The following COL21A1 variants were observed in gnomAD, a reference collection of about 807,000 sequenced individuals.
COL21A1 encodes the protein collagen alpha-1(XXI) chain.
In COL21A1, 149 loss-of-function variants were observed where a neutral mutation model predicts 137.9. The observed-to-expected ratio is 1.08, with a 90% CI of 0.95 to 1.24. The LOEUF (loss-of-function observed/expected upper bound fraction) is 1.24. Ranked by LOEUF, COL21A1 falls within the 50% of genes most tolerant of loss-of-function variation. The probability of loss-of-function intolerance (pLI) is 0.00; values close to 1 mark genes in which losing one functional copy is unlikely to be tolerated. For missense variants in COL21A1, 1,167 were observed against 1,158.4 expected (o/e 1.01, Z -0.11); for synonymous variants, 456 against 391.5 (o/e 1.16, Z -1.95).
At chr6:56,268,215 C>A (rs1415831674) in intron 1 of COL21A1, among the ~76,000 whole-genome samples, 1 of 152,214 alleles carries the variant, frequency 6.6e-6, no homozygotes, top group Non-Finnish European at 1.5e-5. Flanking sequence ...GCAGGGCATG[C>A]TTCCATTCAT....
intron 1 of COL21A1, among the ~76,000 whole-genome samples, chr6:56,385,039 G>A (rs1441789578): frequency 6.6e-6 from 1 of 152,196 alleles, no homozygotes; most frequent in Non-Finnish European, 1.5e-5. Flanking sequence ...TCCTGCAGAA[G>A]CAGATGAAAA....
intron 16 of COL21A1, among the ~76,000 whole-genome samples, chr6:56,120,573 G>T (rs1374122256): frequency 6.6e-6 from 1 of 152,116 alleles, no homozygotes; most frequent in Admixed American, 6.5e-5. Flanking sequence ...AAGGAGGGTG[G>T]ATCGCCTGAG....
At chr6:56,302,373 C>T (rs1351618215) in intron 1 of COL21A1, among the ~76,000 whole-genome samples, 3 of 152,150 alleles carry the variant, frequency 2.0e-5, no homozygotes, top group Non-Finnish European at 4.4e-5. Context: ...AATTTCTCCA[C>T]ATCCTCTCCA....
intron 1 of COL21A1, among the ~76,000 whole-genome samples, chr6:56,354,737 G>GT (rs1360912682): frequency 2.6e-5 from 4 of 152,130 alleles, no homozygotes; most frequent in African/African-American, 9.7e-5. Flanking sequence ...TGGTATGGTG[G>GT]TGCATGCCTG....
intron 1 of COL21A1, among the ~76,000 whole-genome samples, chr6:56,209,766 C>T (rs576341224): frequency 6.6e-6 from 1 of 152,262 alleles, no homozygotes; most frequent in Admixed American, 6.5e-5. Flanking sequence ...ACCCAGCAAT[C>T]CCATTACTGG....
chr6:56,370,833 A>G (rs1187925749), intron 1 of COL21A1, among the ~76,000 whole-genome samples: 1 of 152,230 alleles, frequency 6.6e-6, no homozygotes, highest in Non-Finnish European at 1.5e-5. Flanking sequence ...ATAGCTCTTC[A>G]TTGTCCTCCA....
chr6:56,356,891 G>T (rs573538890), intron 1 of COL21A1, among the ~76,000 whole-genome samples: 3 of 152,216 alleles, frequency 2.0e-5, no homozygotes, highest in East Asian at 1.9e-4. Context: ...GTTATGAAAT[G>T]CATCTCTATT....
At chr6:56,233,087 A>G (rs911174455) in intron 1 of COL21A1, among the ~76,000 whole-genome samples, 17 of 151,848 alleles carry the variant, frequency 1.1e-4, no homozygotes, top group African/African-American at 3.9e-4. Flanking sequence ...AACTCCTTCT[A>G]TTTGTATCCA....
At chr6:56,147,451 T>C (rs1240232937) in intron 10 of COL21A1, among the ~76,000 whole-genome samples, 1 of 151,698 alleles carries the variant, frequency 6.6e-6, no homozygotes, top group Non-Finnish European at 1.5e-5. Flanking sequence ...CAAATATAGG[T>C]ATATGACTGA....
At chr6:56,177,386 G>A (rs13193925) in intron 3 of COL21A1, among the ~76,000 whole-genome samples, 96,247 of 151,920 alleles carry the variant, frequency 0.63, 30,829 homozygotes, top group East Asian at 0.86. Flanking sequence ...ATGTGTCAAA[G>A]AAAAAGCATG....
intron 1 of COL21A1, among the ~76,000 whole-genome samples, chr6:56,320,830 C>A (rs1445217265): frequency 2.6e-5 from 4 of 152,054 alleles, no homozygotes; most frequent in Non-Finnish European, 5.9e-5. Flanking sequence ...TTACTTTTTC[C>A]AAAGCAATTA....
intron 1 of COL21A1, among the ~76,000 whole-genome samples, chr6:56,265,325 G>T (rs1355691511): frequency 6.6e-6 from 1 of 152,182 alleles, no homozygotes; most frequent in African/African-American, 2.4e-5. Flanking sequence ...TGTTTATCAT[G>T]AGGAGCCAGA....
At chr6:56,369,021 G>A (rs978049531) in intron 1 of COL21A1, among the ~76,000 whole-genome samples, 1 of 152,312 alleles carries the variant, frequency 6.6e-6, no homozygotes, top group Admixed American at 6.5e-5. Context: ...GCTAGGTGGA[G>A]TACAGATTGC....
chr6:56,350,444 T>C (rs769928200), intron 1 of COL21A1, among the ~76,000 whole-genome samples: 3 of 152,208 alleles, frequency 2.0e-5, no homozygotes, highest in African/African-American at 4.8e-5. Flanking sequence ...TCTTTTTCAA[T>C]AGATCCTTTT....
intron 26 of COL21A1, 38 bp downstream of exon 26, chr6:56,060,853 T>C (rs769925311): frequency 6.3e-7 from 1 of 1,585,262 alleles, no homozygotes; most frequent in South Asian, 1.2e-5. Context: ...CAAAAATCAA[T>C]GAAAATGTAA....
chr6:56,360,368 A>G (rs1438894359), intron 1 of COL21A1, among the ~76,000 whole-genome samples: 1 of 152,188 alleles, frequency 6.6e-6, no homozygotes, highest in Non-Finnish European at 1.5e-5. Context: ...CATGATACTG[A>G]GATTATTGCA....
At chr6:56,273,543 T>C (rs946534031) in intron 1 of COL21A1, among the ~76,000 whole-genome samples, 1 of 152,030 alleles carries the variant, frequency 6.6e-6, no homozygotes, top group African/African-American at 2.4e-5. Flanking sequence ...AGAAATGACA[T>C]TACAACTGAT....
chr6:56,340,846 T>C (rs1408268630), intron 1 of COL21A1, among the ~76,000 whole-genome samples: 1 of 152,208 alleles, frequency 6.6e-6, no homozygotes, highest in East Asian at 1.9e-4. Flanking sequence ...TGAGGAGTTG[T>C]TAGCTCATGG....
intron 1 of COL21A1, among the ~76,000 whole-genome samples, chr6:56,325,293 A>T (rs1469043906): frequency 3.9e-5 from 1 of 25,448 alleles, no homozygotes; most frequent in East Asian, 5.7e-4. Flanking sequence ...ATTATATTAC[A>T]TTATATATTA....
Sources: gnomAD v4.1 joint callset for allele counts (sites outside exome capture counted in the v4.1 genomes callset) on GRCh38, gnomAD v4.1.1 for gene constraint, MANE v1.5 for transcripts, NCBI Gene and HGNC (gene_info 2026-07-23, HGNC 2026-07-21) for gene names.